Variants in HS3ST4 observed in about 807,000 individuals in gnomAD.
HS3ST4 encodes heparan sulfate-glucosamine 3-sulfotransferase 4.
Under a neutral mutation model 29.2 loss-of-function variants are expected in HS3ST4, and 17 were observed. The ratio of observed to expected loss-of-function variants is 0.58; its 90% CI spans 0.40 to 0.87. The LOEUF is 0.87. Among genes scored for constraint, HS3ST4 ranks in the 40% least tolerant of loss-of-function variants. The pLI is 0.00. For synonymous variants in HS3ST4, 314 were observed against 285.7 expected (o/e 1.10, Z -1.00); for missense variants, 627 against 634.5 (o/e 0.99, Z 0.13).
intron 1 of HS3ST4, among the ~76,000 whole-genome samples, chr16:25,738,567 T>C (rs1966628368): frequency 6.6e-6 from 1 of 152,164 alleles, no homozygotes; most frequent in South Asian, 2.1e-4. Context: ...CAGGAGTTGC[T>C]GAATGTCCCA....
chr16:25,818,505 C>T (rs1274623254), intron 1 of HS3ST4, among the ~76,000 whole-genome samples: 1 of 152,174 alleles, frequency 6.6e-6, no homozygotes, highest in East Asian at 1.9e-4. Flanking sequence ...CCCAAACAGA[C>T]TAAGTCTAAA....
intron 1 of HS3ST4, among the ~76,000 whole-genome samples, chr16:25,748,010 G>A (rs550868125): frequency 2.6e-5 from 4 of 152,130 alleles, no homozygotes; most frequent in Non-Finnish European, 5.9e-5. Flanking sequence ...AATAGAAGTC[G>A]CTGAAGCTGC....
intron 1 of HS3ST4, among the ~76,000 whole-genome samples, chr16:26,075,435 G>A (rs1027741662): frequency 4.6e-5 from 7 of 152,156 alleles, no homozygotes; most frequent in Non-Finnish European, 1.5e-5. Context: ...ACTTGGAGCC[G>A]ATCCAATAAT....
At chr16:26,081,786 CTTTTTTTTTTTTTTTT>C (rs56169806) in intron 1 of HS3ST4, among the ~76,000 whole-genome samples, 1 of 84,966 alleles carries the variant, frequency 1.2e-5, no homozygotes. Context: ...GGAGTACATT[CTTTTTTTTTTTTTTTT>C]TTTTTTTTTT....
chr16:25,994,704 A>G (rs764663948), intron 1 of HS3ST4, among the ~76,000 whole-genome samples: 5 of 152,170 alleles, frequency 3.3e-5, no homozygotes, highest in Non-Finnish European at 7.3e-5. Flanking sequence ...TAATAATACT[A>G]TATTATGCCC....
intron 1 of HS3ST4, among the ~76,000 whole-genome samples, chr16:26,114,410 A>T (rs1899175083): frequency 6.6e-6 from 1 of 152,150 alleles, no homozygotes; most frequent in South Asian, 2.1e-4. Flanking sequence ...GCTGCCAGGG[A>T]CACATTAGTT....
chr16:25,705,055 T>A (rs1488786570), intron 1 of HS3ST4, among the ~76,000 whole-genome samples: 2 of 152,128 alleles, frequency 1.3e-5, no homozygotes, highest in Admixed American at 1.3e-4. Flanking sequence ...CCTCTGTTGC[T>A]GTAGCACAGT....
chr16:25,859,587 C>G (rs937569415), intron 1 of HS3ST4, among the ~76,000 whole-genome samples: 1 of 152,140 alleles, frequency 6.6e-6, no homozygotes, highest in Non-Finnish European at 1.5e-5. Context: ...CTCATGGCTG[C>G]CCGTAGTATT....
intron 1 of HS3ST4, among the ~76,000 whole-genome samples, chr16:25,721,466 C>T (rs749866189): frequency 1.2e-5 from 1 of 82,774 alleles, no homozygotes; most frequent in Non-Finnish European, 2.8e-5. Flanking sequence ...CCTTCTTTCC[C>T]ATAAAGCAAT....
intron 1 of HS3ST4, among the ~76,000 whole-genome samples, chr16:26,070,882 G>A (rs942023172): frequency 3.3e-5 from 5 of 152,278 alleles, no homozygotes; most frequent in East Asian, 1.9e-4. Context: ...GAGGAGACCT[G>A]CGATTTAGTC....
chr16:26,057,514 G>A lies in HS3ST4; in HGVS notation c.735-78098G>A, dbSNP rs191668638. 5.4e-3 allele frequency among the ~76,000 whole-genome samples: 820 copies of A among 152,278 alleles called. 9 individuals are homozygous for A. Among genetic ancestry groups the A allele is most frequent in the Middle Eastern group, 0.02 (6 of 294 alleles). ...TCACGCCTGTAATCTCAGCGCTGTG[G>A]GAGGCTGAGGTGGGCAGATCATGAG... is the stretch of plus-strand genomic sequence containing the variant. On this transcript the variant is annotated intron_variant, in intron 1 of 1. Coordinates refer to ENST00000331351, the MANE Select transcript of HS3ST4 (RefSeq NM_006040.3).
chr16:26,032,968 C>T (rs1161879981), intron 1 of HS3ST4, among the ~76,000 whole-genome samples: 1 of 152,112 alleles, frequency 6.6e-6, no homozygotes, highest in Admixed American at 6.5e-5. Context: ...AGTATTCTTA[C>T]AGTAAATTAG....
intron 1 of HS3ST4, among the ~76,000 whole-genome samples, chr16:25,895,068 A>G (rs1968046265): frequency 6.6e-6 from 1 of 152,046 alleles, no homozygotes; most frequent in South Asian, 2.1e-4. Context: ...TAACAAGAGT[A>G]TGTGTTAGTG....
chr16:26,026,235 C>G (rs1041037315), intron 1 of HS3ST4, among the ~76,000 whole-genome samples: 3 of 152,142 alleles, frequency 2.0e-5, no homozygotes, highest in African/African-American at 7.2e-5. Flanking sequence ...GAGAAACCTC[C>G]CTAGTTTCTC....
At chr16:25,755,771 A>G (rs1394576551) in intron 1 of HS3ST4, among the ~76,000 whole-genome samples, 1 of 152,112 alleles carries the variant, frequency 6.6e-6, no homozygotes, top group East Asian at 1.9e-4. Flanking sequence ...ATCAAAGCAA[A>G]ACTGCCCTCT....
chr16:25,915,243 C>T (rs116650556), intron 1 of HS3ST4, among the ~76,000 whole-genome samples: 2,441 of 152,190 alleles, frequency 0.016, 79 homozygotes, highest in African/African-American at 0.056. Flanking sequence ...CCCAAGACTC[C>T]GGGCGTGGGT....
chr16:25,791,857 T>C (rs1966869905), intron 1 of HS3ST4, among the ~76,000 whole-genome samples: 1 of 152,046 alleles, frequency 6.6e-6, no homozygotes, highest in African/African-American at 2.4e-5. Flanking sequence ...ATGTTCTTAT[T>C]TCATTTTCTT....
At chr16:25,930,669 C>T (rs1308051818) in intron 1 of HS3ST4, among the ~76,000 whole-genome samples, 1 of 152,132 alleles carries the variant, frequency 6.6e-6, no homozygotes, top group Non-Finnish European at 1.5e-5. Context: ...CCATCTCTTG[C>T]CTGTCTTTTC....
chr16:25,960,902 G>T (rs1206796710), intron 1 of HS3ST4, among the ~76,000 whole-genome samples: 3 of 152,208 alleles, frequency 2.0e-5, no homozygotes, highest in African/African-American at 4.8e-5. Context: ...TTGCTAACTG[G>T]AGGTAGGAAG....
Sources: gnomAD v4.1 joint callset for allele counts (sites outside exome capture counted in the v4.1 genomes callset) on GRCh38, gnomAD v4.1.1 for gene constraint, MANE v1.5 for transcripts, NCBI Gene and HGNC (gene_info 2026-07-23, HGNC 2026-07-21) for gene names.